RASGRF1: variants seen among roughly 807,000 people sequenced by gnomAD.
The protein encoded by RASGRF1 is Ras protein specific guanine nucleotide releasing factor 1, also known as ras-specific guanine nucleotide-releasing factor 1.
A neutral mutation model predicts 138.7 loss-of-function variants in RASGRF1; 40 were observed. The ratio of observed to expected loss-of-function variants is 0.29; its 90% confidence interval spans 0.22 to 0.38. The LOEUF is 0.38. Ranked by LOEUF, RASGRF1 falls within the 10% of genes least tolerant of loss-of-function variation. RASGRF1 has a pLI of 1.00. For synonymous variants in RASGRF1, 614 were observed against 663.2 expected (o/e 0.93, Z 1.14); for missense variants, 1,108 against 1,650.4 (o/e 0.67, Z 5.69).
intron 3 of RASGRF1, among the ~76,000 whole-genome samples, chr15:79,053,213 C>T (rs193295097): frequency 2.0e-3 from 299 of 151,948 alleles, no homozygotes; most frequent in African/African-American, 6.3e-3. Context: ...TGCAGTGAGC[C>T]GAGATTGTGC....
At position 79,069,034 on chromosome 15, in the gene RASGRF1, C is replaced by T. The variant is rs539900457; in HGVS notation, c.277-4508G>A. Among the ~76,000 whole-genome samples the T allele has an allele frequency of 1.5e-3, 235 of 152,300 alleles. 1 individual carries two copies. Among genetic ancestry groups the T allele is most frequent in the African/African-American group, 5.3e-3 (221 of 41,566 alleles). ...GGGGTGTCTGCACTCCATCCTTCCC[C>T]TCACCTACAGGACTTCTCCCTGAGG... On this transcript the variant is annotated intron_variant, in intron 1 of 26. Transcript: ENST00000558480.
intron 10 of RASGRF1, among the ~76,000 whole-genome samples, chr15:79,024,101 A>C (rs2057009719): frequency 6.6e-6 from 1 of 151,572 alleles, no homozygotes; most frequent in South Asian, 2.1e-4. Flanking sequence ...TCACACATAC[A>C]TACACAGAGA....
chr15:79,012,442 C>T (rs1379677201), intron 13 of RASGRF1: 2 of 1,298,088 alleles, frequency 1.5e-6, no homozygotes, highest in Non-Finnish European at 2.2e-6. Context: ...CTCTATGTCT[C>T]TCTCTCTCTC....
chr15:79,001,601 T>C lies in RASGRF1; in HGVS notation c.2575+61A>G, dbSNP rs534711207. 1.8e-5 allele frequency: 28 copies of C among 1,570,500 alleles called. 1 individual carries two copies. The South Asian group carries it at 3.1e-4, about 17-fold the overall frequency. On this transcript the variant is annotated intron_variant, in intron 16 of 26. Transcript: ENST00000558480. ...GACACCCACTTGCCTTGACTCGACT[T>C]GACCTACTGCCCTCTCCCAAACTGG...
At chr15:78,978,550 T>TA (rs1193933398) in intron 24 of RASGRF1, 3 of 986,530 alleles carry the variant, frequency 3.0e-6, no homozygotes, top group East Asian at 2.3e-4. Context: ...AATGAAAAGC[T>TA]AAAAAAAGAT....
intron 14 of RASGRF1, among the ~76,000 whole-genome samples, chr15:79,004,447 G>A (rs2081283581): frequency 6.6e-6 from 1 of 152,194 alleles, no homozygotes; most frequent in African/African-American, 2.4e-5. Flanking sequence ...TGCAGCATCT[G>A]ACCTGAAGTG....
intron 22 of RASGRF1, among the ~76,000 whole-genome samples, chr15:78,986,727 C>T (rs1054631105): frequency 6.6e-6 from 1 of 152,086 alleles, no homozygotes; most frequent in Non-Finnish European, 1.5e-5. Context: ...AGGACATTTA[C>T]AGATGAATTA....
intron 3 of RASGRF1, among the ~76,000 whole-genome samples, chr15:79,057,766 C>A (rs2057530278): frequency 6.6e-6 from 1 of 152,166 alleles, no homozygotes; most frequent in Non-Finnish European, 1.5e-5. Context: ...CTTCATGGAC[C>A]ACACTTGGGG....
chr15:79,089,809 C>G (rs1287458864), intron 1 of RASGRF1, among the ~76,000 whole-genome samples: 1 of 152,248 alleles, frequency 6.6e-6, no homozygotes, highest in Non-Finnish European at 1.5e-5. Context: ...ATTACACGTT[C>G]CCGGTGTAGA....
At chr15:79,087,746 C>T (rs1022870894) in intron 1 of RASGRF1, among the ~76,000 whole-genome samples, 3 of 152,306 alleles carry the variant, frequency 2.0e-5, no homozygotes, top group Non-Finnish European at 2.9e-5. Flanking sequence ...AAAGAAACAG[C>T]GATGAATTTT....
chr15:79,051,579 C>T (rs2057430915), intron 3 of RASGRF1, among the ~76,000 whole-genome samples: 1 of 152,110 alleles, frequency 6.6e-6, no homozygotes, highest in African/African-American at 2.4e-5. Flanking sequence ...CACATAGCAC[C>T]CCTTTTCACT....
chr15:79,061,429 T>TATATATATATATATATATCA (rs2057604943), intron 2 of RASGRF1, among the ~76,000 whole-genome samples: 1 of 147,446 alleles, frequency 6.8e-6, no homozygotes, highest in African/African-American at 2.5e-5. Flanking sequence ...TATATATATA[T>TATATATATATATATATATCA]ATCATTCATT....
chr15:79,067,155 G>A (rs896442103), intron 1 of RASGRF1, among the ~76,000 whole-genome samples: 3 of 152,232 alleles, frequency 2.0e-5, no homozygotes, highest in East Asian at 1.9e-4. Flanking sequence ...GGTGGCCTTC[G>A]GGACAAGCGT....
chr15:79,065,412 G>A (rs1159148408), intron 1 of RASGRF1, among the ~76,000 whole-genome samples: 2 of 152,114 alleles, frequency 1.3e-5, no homozygotes, highest in Non-Finnish European at 2.9e-5. Flanking sequence ...CCAGTGGGCA[G>A]GTGGGCAGGG....
intron 9 of RASGRF1, 52 bp from the exon 10 acceptor site, chr15:79,025,526 C>T: frequency 6.4e-7 from 1 of 1,564,306 alleles, no homozygotes; most frequent in Non-Finnish European, 8.7e-7. Flanking sequence ...TGACCTTTGC[C>T]TCTGACCCAG....
chr15:78,976,584 A>ACACC (rs145374777), intron 24 of RASGRF1, among the ~76,000 whole-genome samples: 1 of 151,502 alleles, frequency 6.6e-6, no homozygotes, highest in African/African-American at 2.4e-5. Context: ...ACACACACAC[A>ACACC]CCCATCCGAA....
rs375383474 is a variant in RASGRF1 at position 78,998,213 on chromosome 15, C to T, written c.2854-5G>A. 9.9e-6 allele frequency: 16 copies of T among 1,612,532 alleles called. No individual in the cohort carries two copies. Among genetic ancestry groups the T allele is most frequent in the African/African-American group, 1.3e-5 (1 of 74,890 alleles). On this transcript the variant is annotated splice_polypyrimidine_tract_variant and splice_region_variant and intron_variant, in intron 18 of 26. Transcript: ENST00000558480. ...CTCATCGTTGGTCTCAAAGTCCTGC[C>T]GGGAAGGTGTGATGGGTGGCTCTGG...
At chr15:78,994,014 G>A (rs1280726092) in intron 20 of RASGRF1, among the ~76,000 whole-genome samples, 1 of 152,184 alleles carries the variant, frequency 6.6e-6, no homozygotes, top group African/African-American at 2.4e-5. Context: ...GACAAGAGAG[G>A]GCAGCTCAGC....
intron 2 of RASGRF1, among the ~76,000 whole-genome samples, chr15:79,059,436 A>T (rs1595950726): frequency 6.7e-5 from 8 of 119,456 alleles, no homozygotes; most frequent in African/African-American, 1.3e-4. Flanking sequence ...ATCCTCCCTT[A>T]TCCTTCCCTA....
Sources: gnomAD v4.1 joint callset for allele counts (sites outside exome capture counted in the v4.1 genomes callset) on GRCh38, gnomAD v4.1.1 for gene constraint, MANE v1.5 for transcripts, NCBI Gene and HGNC (gene_info 2026-07-23, HGNC 2026-07-21) for gene names.